MDGA2: variants seen among roughly 807,000 people sequenced by gnomAD.
The protein encoded by MDGA2 is MAM domain containing glycosylphosphatidylinositol anchor 2, also known as MAM domain-containing glycosylphosphatidylinositol anchor protein 2.
Under a neutral mutation model 117.8 loss-of-function variants are expected in MDGA2, and 40 were observed. The ratio of observed to expected loss-of-function variants is 0.34; its 90% CI spans 0.26 to 0.44. The LOEUF (loss-of-function observed/expected upper bound fraction) is 0.44. Among genes scored for constraint, MDGA2 ranks in the 20% least tolerant of loss-of-function variants. The pLI is 1.00. For missense variants in MDGA2, 1,123 were observed against 1,250.6 expected (o/e 0.90, Z 1.54); for synonymous variants, 452 against 439.0 (o/e 1.03, Z -0.37).
chr14:47,172,078 G>T (rs1381219909), intron 3 of MDGA2, among the ~76,000 whole-genome samples: 2 of 152,152 alleles, frequency 1.3e-5, no homozygotes, highest in African/African-American at 4.8e-5. Flanking sequence ...CTGCAAGGTG[G>T]CAGCAAGGCT....
chr14:47,063,967 TA>T (rs1205662865), intron 6 of MDGA2, among the ~76,000 whole-genome samples: 1 of 151,956 alleles, frequency 6.6e-6, no homozygotes, highest in African/African-American at 2.4e-5. Flanking sequence ...ACTGCAATCT[TA>T]CCAGCCAAAT....
intron 2 of MDGA2, among the ~76,000 whole-genome samples, chr14:47,260,707 A>C (rs1018065042): frequency 6.6e-6 from 1 of 152,052 alleles, no homozygotes; most frequent in Non-Finnish European, 1.5e-5. Flanking sequence ...CTGAACATAC[A>C]TTTGACAGGA....
intron 2 of MDGA2, among the ~76,000 whole-genome samples, chr14:47,259,228 G>A (rs1030445019): frequency 6.6e-6 from 1 of 151,938 alleles, no homozygotes; most frequent in Non-Finnish European, 1.5e-5. Flanking sequence ...ATAATGGGTG[G>A]GGGAGGAGAA....
At chr14:47,352,633 T>A (rs1290166139) in intron 1 of MDGA2, among the ~76,000 whole-genome samples, 1 of 152,234 alleles carries the variant, frequency 6.6e-6, no homozygotes, top group Non-Finnish European at 1.5e-5. Flanking sequence ...AGAAAAAACA[T>A]GGCATAATAT....
intron 8 of MDGA2, among the ~76,000 whole-genome samples, chr14:46,980,598 CATGAA>C (rs1250533022): frequency 2.0e-5 from 3 of 152,096 alleles, no homozygotes; most frequent in Non-Finnish European, 1.5e-5. Flanking sequence ...ATAAATCTTT[CATGAA>C]ATGAAATGAT....
At chr14:47,496,537 C>T (rs773371595) in intron 1 of MDGA2, among the ~76,000 whole-genome samples, 1 of 152,074 alleles carries the variant, frequency 6.6e-6, no homozygotes, top group Non-Finnish European at 1.5e-5. Context: ...AGCCACCTTG[C>T]CCAGGCCCCT....
At chr14:47,173,602 C>G (rs369960434) in intron 3 of MDGA2, among the ~76,000 whole-genome samples, 67 of 152,134 alleles carry the variant, frequency 4.4e-4, no homozygotes, top group South Asian at 1.0e-3. Context: ...CAAATGCTGA[C>G]AGATTTTGTC....
At chr14:47,396,787 A>G (rs1892020058) in intron 1 of MDGA2, among the ~76,000 whole-genome samples, 1 of 152,224 alleles carries the variant, frequency 6.6e-6, no homozygotes, top group African/African-American at 2.4e-5. Flanking sequence ...ACAATGAGAT[A>G]CCATCTCATG....
In MDGA2 at chr14:46,899,042, G is replaced by A. The variant is rs1186517197; in HGVS notation, c.2239-16821C>T. The stretch of plus-strand genomic sequence containing the variant: ...GATTCCTGAACCTAAGGGGAAAATC[G>A]CAGCCGCTAATGGAAAGGGGATTAT... On this transcript the variant is annotated intron_variant, in intron 10 of 16. Transcript: ENST00000399232. Among the ~76,000 whole-genome samples the A allele has an allele frequency of 2.0e-5, 3 of 152,112 alleles. No homozygotes were observed. The East Asian group carries it at 5.8e-4, about 29-fold the overall frequency.
At chr14:47,040,707 T>C (rs1158565324) in intron 7 of MDGA2, among the ~76,000 whole-genome samples, 5 of 152,212 alleles carry the variant, frequency 3.3e-5, no homozygotes, top group Admixed American at 1.3e-4. Context: ...TCAAATGTTA[T>C]TCCCTTTGTA....
intron 1 of MDGA2, among the ~76,000 whole-genome samples, chr14:47,322,199 C>T (rs1159316580): frequency 6.6e-6 from 1 of 152,134 alleles, no homozygotes; most frequent in Admixed American, 6.6e-5. Context: ...CCATATGTCA[C>T]AGAGCATACA....
intron 13 of MDGA2, 115 bp from the exon 14 acceptor site, chr14:46,873,706 G>T: frequency 1.1e-6 from 1 of 940,710 alleles, no homozygotes; most frequent in Non-Finnish European, 1.5e-6. Context: ...AGGAAGATTT[G>T]CATCTCATTT....
intron 6 of MDGA2, among the ~76,000 whole-genome samples, chr14:47,064,366 T>C (rs1281429200): frequency 6.6e-6 from 1 of 152,056 alleles, no homozygotes; most frequent in Non-Finnish European, 1.5e-5. Flanking sequence ...TAACAGATTA[T>C]TTAATAGAGA....
chr14:47,476,667 A>G (rs1444339011), intron 1 of MDGA2, among the ~76,000 whole-genome samples: 1 of 152,162 alleles, frequency 6.6e-6, no homozygotes, highest in East Asian at 1.9e-4. Context: ...TATTTAAATT[A>G]GTCTTATTTT....
At chr14:47,383,983 T>TGATAGATAGATAGATA (rs11439713) in intron 1 of MDGA2, among the ~76,000 whole-genome samples, 18,950 of 141,578 alleles carry the variant, frequency 0.13, 1,387 homozygotes, top group South Asian at 0.16. Context: ...AATAGATAGA[T>TGATAGATAGATAGATA]GATAGATAGA....
intron 1 of MDGA2, among the ~76,000 whole-genome samples, chr14:47,540,563 T>TATATATACACACACACAC (rs370481455): frequency 8.9e-6 from 1 of 112,522 alleles, no homozygotes; most frequent in African/African-American, 2.9e-5. Flanking sequence ...TGTATATATA[T>TATATATACACACACACAC]ACACACACAC....
chr14:47,595,143 A>G (rs1002032727), intron 1 of MDGA2, among the ~76,000 whole-genome samples: 1 of 152,152 alleles, frequency 6.6e-6, no homozygotes, highest in Non-Finnish European at 1.5e-5. Flanking sequence ...TTTGCATACT[A>G]TAAAGGCCTG....
intron 10 of MDGA2, among the ~76,000 whole-genome samples, chr14:46,906,444 G>A (rs899467577): frequency 3.3e-5 from 5 of 151,954 alleles, no homozygotes; most frequent in African/African-American, 1.2e-4. Flanking sequence ...GAATAAACCT[G>A]GATATTGATA....
intron 8 of MDGA2, among the ~76,000 whole-genome samples, chr14:46,971,590 T>A (rs942870505): frequency 2.6e-5 from 4 of 152,018 alleles, no homozygotes; most frequent in Non-Finnish European, 4.4e-5. Context: ...GATATGTTGA[T>A]TAGTGGGTAC....
Sources: allele counts gnomAD v4.1 joint callset (sites outside exome capture counted in the v4.1 genomes callset), GRCh38; gene constraint gnomAD v4.1.1; transcripts MANE v1.5; gene names NCBI Gene and HGNC (gene_info 2026-07-23, HGNC 2026-07-21).